The following NLGN1 variants were observed in gnomAD, a reference collection of about 807,000 sequenced individuals.
NLGN1 encodes neuroligin 1.
Under a neutral mutation model 65.5 loss-of-function variants are expected in NLGN1, and 12 were observed. The ratio of observed to expected loss-of-function variants is 0.18; its 90% CI spans 0.12 to 0.30. NLGN1 has a LOEUF of 0.30. NLGN1 is among the 10% of genes least tolerant of loss of function. The probability of loss-of-function intolerance (pLI) is 1.00; values close to 1 mark genes in which losing one functional copy is unlikely to be tolerated. For missense variants in NLGN1, 750 were observed against 1,007.1 expected (o/e 0.74, Z 3.46); for synonymous variants, 350 against 359.5 (o/e 0.97, Z 0.30).
At chr3:173,411,902 G>A (rs1277928999) in intron 1 of NLGN1, among the ~76,000 whole-genome samples, 1 of 152,092 alleles carries the variant, frequency 6.6e-6, no homozygotes, top group East Asian at 1.9e-4. Flanking sequence ...GAAGCTGACA[G>A]TAAGACTTAA....
chr3:174,100,418 A>G (rs1712154515), intron 4 of NLGN1, among the ~76,000 whole-genome samples: 1 of 152,180 alleles, frequency 6.6e-6, no homozygotes, highest in African/African-American at 2.4e-5. Context: ...TTCCAAAAGT[A>G]CAAGGCTCAT....
intron 4 of NLGN1, among the ~76,000 whole-genome samples, chr3:174,000,150 G>T (rs1254907436): frequency 1.3e-5 from 2 of 152,010 alleles, no homozygotes; most frequent in Admixed American, 6.6e-5. Flanking sequence ...ACTGATGATG[G>T]TTCCTCTCCT....
At chr3:173,992,746 A>C (rs1399370270) in intron 4 of NLGN1, among the ~76,000 whole-genome samples, 1 of 152,210 alleles carries the variant, frequency 6.6e-6, no homozygotes. Flanking sequence ...CAGAAAAGAC[A>C]AGAAGATATT....
intron 4 of NLGN1, among the ~76,000 whole-genome samples, chr3:174,003,755 T>A (rs1229479270): frequency 2.0e-5 from 3 of 152,166 alleles, no homozygotes; most frequent in Non-Finnish European, 4.4e-5. Flanking sequence ...AAATCCTAAA[T>A]GATTAGATGC....
chr3:174,234,000 A>T (rs1010535293), intron 4 of NLGN1, among the ~76,000 whole-genome samples: 2 of 152,016 alleles, frequency 1.3e-5, no homozygotes, highest in African/African-American at 4.8e-5. Flanking sequence ...TTTAAACTTT[A>T]GTTTTCTATA....
chr3:173,586,257 G>A (rs531116555), intron 2 of NLGN1, among the ~76,000 whole-genome samples: 2 of 152,258 alleles, frequency 1.3e-5, no homozygotes, highest in South Asian at 4.1e-4. Flanking sequence ...GAATAAAAGT[G>A]TTACCTTTTT....
intron 4 of NLGN1, among the ~76,000 whole-genome samples, chr3:173,820,789 C>T (rs1460547555): frequency 6.6e-6 from 1 of 152,028 alleles, no homozygotes; most frequent in Non-Finnish European, 1.5e-5. Flanking sequence ...GGGAAGACTG[C>T]TGTACATACG....
At chr3:174,047,805 T>TA (rs373900247) in intron 4 of NLGN1, among the ~76,000 whole-genome samples, 24,308 of 145,456 alleles carry the variant, frequency 0.17, 1,999 homozygotes, top group East Asian at 0.18. Flanking sequence ...TTTGAGATAG[T>TA]AAAAAAAAAA....
intron 4 of NLGN1, among the ~76,000 whole-genome samples, chr3:174,249,340 C>T (rs1199377864): frequency 2.6e-5 from 4 of 152,098 alleles, no homozygotes; most frequent in Non-Finnish European, 5.9e-5. Flanking sequence ...CACATGCTGC[C>T]GATAAATTTT....
At chr3:173,922,223 A>G (rs1742162369) in intron 4 of NLGN1, among the ~76,000 whole-genome samples, 1 of 152,066 alleles carries the variant, frequency 6.6e-6, no homozygotes, top group Non-Finnish European at 1.5e-5. Context: ...TTATGTTTTT[A>G]TGTGTTTGAT....
chr3:173,488,544 T>A (rs902455564), intron 2 of NLGN1, among the ~76,000 whole-genome samples: 1 of 152,238 alleles, frequency 6.6e-6, no homozygotes, highest in East Asian at 1.9e-4. Context: ...TATGGTTTAG[T>A]TGAGTATAAA....
At chr3:174,059,063 A>C (rs951966612) in intron 4 of NLGN1, among the ~76,000 whole-genome samples, 1 of 152,130 alleles carries the variant, frequency 6.6e-6, no homozygotes, top group African/African-American at 2.4e-5. Flanking sequence ...GTTGCTGTTT[A>C]ATACTTTTCT....
At chr3:173,838,650 T>C (rs1724146402) in intron 4 of NLGN1, among the ~76,000 whole-genome samples, 1 of 152,136 alleles carries the variant, frequency 6.6e-6, no homozygotes, top group Non-Finnish European at 1.5e-5. Context: ...AAATGTCGAA[T>C]GAATGAATGA....
chr3:174,258,670 G>C (rs533112798), intron 4 of NLGN1, among the ~76,000 whole-genome samples: 11 of 152,198 alleles, frequency 7.2e-5, no homozygotes, highest in African/African-American at 2.4e-4. Context: ...ATATAATTAT[G>C]AAGAAACATC....
intron 2 of NLGN1, among the ~76,000 whole-genome samples, chr3:173,585,737 C>A (rs553121504): frequency 2.0e-4 from 30 of 152,352 alleles, no homozygotes; most frequent in Admixed American, 1.6e-3. Context: ...GGCTGCATTT[C>A]TGATGCATCC....
intron 2 of NLGN1, among the ~76,000 whole-genome samples, chr3:173,499,837 C>A (rs1388474485): frequency 6.6e-6 from 1 of 151,824 alleles, no homozygotes; most frequent in African/African-American, 2.4e-5. Context: ...GGAGTTCACT[C>A]ATGATTTGGC....
chr3:173,919,416 A>G (rs1741475792), intron 4 of NLGN1, among the ~76,000 whole-genome samples: 1 of 152,182 alleles, frequency 6.6e-6, no homozygotes, highest in African/African-American at 2.4e-5. Flanking sequence ...ATATGACAGA[A>G]TCCATGTGAG....
At chr3:173,711,514 G>A (rs1193123070) in intron 3 of NLGN1, among the ~76,000 whole-genome samples, 1 of 152,154 alleles carries the variant, frequency 6.6e-6, no homozygotes, top group Non-Finnish European at 1.5e-5. Context: ...GTTTATAACA[G>A]TGTCTTTTGA....
At chr3:173,787,248 A>G (rs1782136708) in intron 3 of NLGN1, among the ~76,000 whole-genome samples, 1 of 152,190 alleles carries the variant, frequency 6.6e-6, no homozygotes, top group African/African-American at 2.4e-5. Flanking sequence ...CCTAAAGTCA[A>G]CTGTATATTT....
Sources: gnomAD v4.1 joint callset for allele counts (sites outside exome capture counted in the v4.1 genomes callset) on GRCh38, gnomAD v4.1.1 for gene constraint, MANE v1.5 for transcripts, NCBI Gene and HGNC (gene_info 2026-07-23, HGNC 2026-07-21) for gene names.